Variants in MIER3 observed in about 807,000 individuals in gnomAD.
The protein encoded by MIER3 is mesoderm induction early response protein 3.
In MIER3, 9 loss-of-function variants were observed where a neutral mutation model predicts 63.2. The ratio of observed to expected loss-of-function variants is 0.14; its 90% confidence interval spans 0.09 to 0.25. MIER3 has a LOEUF of 0.25. MIER3 is among the 10% of genes least tolerant of loss of function. MIER3 has a pLI of 1.00. For missense variants in MIER3, 512 were observed against 666.2 expected, an observed-to-expected ratio of 0.77 and a Z score of 2.55; for synonymous variants, 205 against 224.9, an observed-to-expected ratio of 0.91 and a Z score of 0.79.
Position 56,937,690 on chromosome 5 carries a change from T to A in MIER3, c.324A>T (p.Ile108=), listed in dbSNP as rs556894126. ...CATCACCTGACAACAGGTCTTTTGC[T>A]ATTTCCTCCTGGAAGAATAAGAAGG... The part of the protein sequence containing the change: ...LPDMTLDKEE[I]AKDLLSGDDE... The change falls in exon 5 of 13, where the codon ATA becomes ATT. Residue 108 remains isoleucine (I), a synonymous_variant. Coordinates refer to ENST00000381199, the MANE Select transcript of MIER3 (RefSeq NM_001297599.2). The A allele has an allele frequency of 1.5e-5, 24 of 1,606,378 alleles. No individual in the cohort carries two copies. Among genetic ancestry groups the A allele is most frequent in the Admixed American group, 1.2e-4 (7 of 59,044 alleles).
At chr5:56,941,463 TC>T (rs1460309311) in intron 3 of MIER3, 2 of 152,058 alleles carry the variant, frequency 1.3e-5, no homozygotes, top group Non-Finnish European at 2.9e-5. Flanking sequence ...TCAGCAATCT[TC>T]AGCGGAGGCC....
At chr5:56,931,617 G>T (rs1357929086) in intron 8 of MIER3, among the ~76,000 whole-genome samples, 1 of 152,130 alleles carries the variant, frequency 6.6e-6, no homozygotes, top group African/African-American at 2.4e-5. Flanking sequence ...ATATTATCTT[G>T]CTGTAATAAA....
intron 10 of MIER3, among the ~76,000 whole-genome samples, chr5:56,927,381 C>T (rs1750044366): frequency 6.6e-6 from 1 of 152,154 alleles, no homozygotes; most frequent in African/African-American, 2.4e-5. Flanking sequence ...GTTAACTTTG[C>T]TGTAAACCTG....
rs1749679591 is a variant in MIER3, at chr5:56,921,661, C to A, written c.*1467G>T. ...CACTACTAAGATCACTACATCCTATCTACTCATCAGCACAACCTTGAAGCA... is the reference window on the plus strand; with the variant it reads ...CACTACTAAGATCACTACATCCTATATACTCATCAGCACAACCTTGAAGCA... On this transcript the variant is annotated 3_prime_UTR_variant, in exon 13 of 13. Transcript: ENST00000381199. 6.6e-6 allele frequency: 1 copy of A among 152,630 alleles called. No individual in the cohort carries two copies. Among genetic ancestry groups the A allele is most frequent in the African/African-American group, 2.4e-5 (1 of 41,460 alleles). The allele number at this position is 152,630 out of a possible 1,614,324, so 9.5% of individuals were successfully genotyped here. A position where few individuals can be genotyped will look rare whatever the true frequency, so the allele number is the denominator to read the frequency against.
chr5:56,934,000 T>C (rs1337528264), intron 7 of MIER3, among the ~76,000 whole-genome samples: 1 of 151,998 alleles, frequency 6.6e-6, no homozygotes, highest in Non-Finnish European at 1.5e-5. Context: ...TTAAAGACAC[T>C]GATATATTAA....
chr5:56,946,878 G>A (rs550321824), intron 3 of MIER3, 48 bp downstream of exon 3: 2 of 1,305,972 alleles, frequency 1.5e-6, no homozygotes, highest in South Asian at 1.7e-5. Context: ...AATTACAACA[G>A]AATTTCAAAA....
chr5:56,941,750 A>G (rs1269385780), intron 3 of MIER3, among the ~76,000 whole-genome samples: 1 of 152,176 alleles, frequency 6.6e-6, no homozygotes, highest in Non-Finnish European at 1.5e-5. Flanking sequence ...AAAATACTGA[A>G]CACCTGCATG....
rs1305633983 is a variant in MIER3, at chr5:56,950,648, G to C, written c.14C>G (p.Ser5Cys). MAEA[S>C]FGSSSPVGSL... ...CAAACCTGGGCTCGAACTTCCAAAA[G>C]AAGCCTAGGAGAGAGAGAAGAAAAC... The change falls in exon 2 of 13, where the codon TCT (serine) becomes TGT (cysteine). Residue 5 changes from serine to cysteine, a missense_variant. Around this residue, in one of 5 missense-constraint regions of MIER3, gnomAD observed 98 missense variants for 107.4 expected, o/e 0.91. Coordinates refer to ENST00000381199, the MANE Select transcript of MIER3 (RefSeq NM_001297599.2). 3.1e-6 allele frequency: 5 copies of C among 1,613,544 alleles called. No individual in the cohort carries two copies. The highest frequency in any genetic ancestry group is 1.3e-5 in the African/African-American group (1 of 74,866).
In MIER3 at chr5:56,924,001, A is replaced by G; in HGVS notation, c.966T>C (p.Tyr322=). The change falls in exon 11 of 13, where the codon TAT becomes TAC. Residue 322 remains tyrosine (Y), a synonymous_variant. Coordinates refer to ENST00000381199, the MANE Select transcript of MIER3 (RefSeq NM_001297599.2). Reference sequence around the variant, plus strand: ...CATAACGTTCAGATTTCTTCCACATATAGTAGAATGCTACACACTCAGCAA... The same window carrying G: ...CATAACGTTCAGATTTCTTCCACATGTAGTAGAATGCTACACACTCAGCAA... ...RTVAECVAFY[Y]MWKKSERYDY... is the part of the protein sequence containing the mutation. The G allele has an allele frequency of 3.1e-6, 5 of 1,614,028 alleles. No individual in the cohort carries two copies. The highest frequency in any genetic ancestry group is 4.2e-6 in the Non-Finnish European group (5 of 1,179,972).
At chr5:56,933,695 T>C (rs532090185) in intron 7 of MIER3, among the ~76,000 whole-genome samples, 1 of 152,056 alleles carries the variant, frequency 6.6e-6, no homozygotes, top group South Asian at 2.1e-4. Context: ...CCCATAGTGG[T>C]TATCTTATAC....
intron 7 of MIER3, among the ~76,000 whole-genome samples, chr5:56,934,943 GA>G (rs2112111756): frequency 1.3e-5 from 2 of 152,284 alleles, no homozygotes; most frequent in South Asian, 4.1e-4. Flanking sequence ...AGGAAAAACT[GA>G]TTACACATAA....
intron 8 of MIER3, 32 bp downstream of exon 8, chr5:56,933,215 T>C (rs1166182030): frequency 6.5e-7 from 1 of 1,542,216 alleles, no homozygotes; most frequent in Admixed American, 2.0e-5. Context: ...TACTGTAAAC[T>C]GGCTGCTGTT....
intron 3 of MIER3, among the ~76,000 whole-genome samples, chr5:56,942,156 G>T (rs572942497): frequency 6.6e-6 from 1 of 152,172 alleles, no homozygotes; most frequent in Admixed American, 6.5e-5. Flanking sequence ...TATAAATCTG[G>T]CATTCATTAG....
intron 7 of MIER3, 31 bp downstream of exon 7, chr5:56,935,396 CA>C (rs1426438206): frequency 6.6e-7 from 1 of 1,513,378 alleles, no homozygotes; most frequent in East Asian, 2.3e-5. Context: ...CCTTATCTAC[CA>C]AACATTATCA....
Position 56,938,973 on chromosome 5 carries a change from A to G in MIER3, c.225T>C (p.Tyr75=), listed in dbSNP as rs772133037. Residue 75 remains tyrosine, a synonymous_variant, in exon 4 of 13, where the codon TAT becomes TAC. Coordinates refer to ENST00000381199, the MANE Select transcript of MIER3 (RefSeq NM_001297599.2). ...PLEDLLAFYG[Y]EPTIPAVANS... ...TTGCAACTGCTGGAATTGTAGGTTC[A>G]TAGCCATAGAATGCCAGTAAATCTT... 6.2e-7 allele frequency: 1 copy of G among 1,614,212 alleles called. No homozygotes were observed. Among genetic ancestry groups the G allele is most frequent in the East Asian group, 2.2e-5 (1 of 44,874 alleles).
At chr5:56,951,116 A>G (rs1230622424) in intron 1 of MIER3, among the ~76,000 whole-genome samples, 2 of 151,858 alleles carry the variant, frequency 1.3e-5, no homozygotes, top group Non-Finnish European at 2.9e-5. Flanking sequence ...GGGAGCCCCA[A>G]CTCCGAAGCC....
At chr5:56,942,026 C>A (rs535085322) in intron 3 of MIER3, among the ~76,000 whole-genome samples, 31 of 150,936 alleles carry the variant, frequency 2.1e-4, no homozygotes, top group African/African-American at 7.2e-4. Context: ...AAGAAAAAAA[C>A]AACAACAACA....
At position 56,923,122 on chromosome 5, in the gene MIER3, C is replaced by G. The variant is rs764747917; in HGVS notation, c.*6G>C. On this transcript the variant is annotated 3_prime_UTR_variant, in exon 13 of 13. Transcript: ENST00000381199. ...TGCACACGCAGTTCCGGGATCCTCA[C>G]TCAGGTCACTCAGAGTGTAGGGCCG... 1 of 1,610,606 alleles carries G rather than the reference C, an allele frequency of 6.2e-7. No individual in the cohort carries two copies. The highest frequency in any genetic ancestry group is 8.5e-7 in the Non-Finnish European group (1 of 1,177,142).
intron 2 of MIER3, 34 bp from the exon 3 acceptor site, chr5:56,947,105 T>C (rs1438289049): frequency 6.3e-7 from 1 of 1,580,566 alleles, no homozygotes; most frequent in Non-Finnish European, 8.5e-7. Flanking sequence ...CTTTACACAT[T>C]TACAAGGCTA....
Sources: gnomAD v4.1 joint callset for allele counts (sites outside exome capture counted in the v4.1 genomes callset) on GRCh38, gnomAD v4.1.1 for gene constraint, gnomAD v4.1.1 regional missense constraint, MANE v1.5 for transcripts, NCBI Gene and HGNC (gene_info 2026-07-23, HGNC 2026-07-21) for gene names.